STAC: variants seen among roughly 807,000 people sequenced by gnomAD.
STAC encodes the protein SH3 and cysteine-rich domain-containing protein.
In STAC, 43 loss-of-function variants were observed where a neutral mutation model predicts 48.8. The ratio of observed to expected loss-of-function variants is 0.88; its 90% CI spans 0.69 to 1.14. The LOEUF is 1.14. Among genes scored for constraint, STAC ranks in the 50% most tolerant of loss-of-function variants. The probability of loss-of-function intolerance (pLI) is 0.00; values close to 1 mark genes in which losing one functional copy is unlikely to be tolerated. For synonymous variants in STAC, 193 were observed against 179.5 expected (o/e 1.07, Z -0.60); for missense variants, 497 against 504.0 (o/e 0.99, Z 0.13).
intron 2 of STAC, among the ~76,000 whole-genome samples, chr3:36,452,973 C>T (rs1031195493): frequency 1.3e-5 from 2 of 152,228 alleles, no homozygotes; most frequent in Non-Finnish European, 2.9e-5. Flanking sequence ...CACCCAGACC[C>T]CTATCCAGGT....
At chr3:36,460,051 T>C (rs1257859240) in intron 2 of STAC, among the ~76,000 whole-genome samples, 1 of 152,052 alleles carries the variant, frequency 6.6e-6, no homozygotes, top group African/African-American at 2.4e-5. Context: ...ACCTTGATCT[T>C]TATTATCTCT....
rs1177489353 is a variant in STAC at position 36,380,714 on chromosome 3, A to T, written c.71A>T (p.Gln24Leu). The T allele has an allele frequency of 1.2e-6, 2 of 1,611,700 alleles. No homozygotes were observed. Among genetic ancestry groups the T allele is most frequent in the South Asian group, 2.2e-5 (2 of 90,752 alleles). ...GLPKEAVGAE[Q>L]PPSPASTSSQ... ...CCCAAGGAGGCGGTGGGCGCCGAGC[A>T]ACCGCCCTCTCCTGCATCCACCAGC... Residue 24 changes from glutamine to leucine, a missense_variant, in exon 1 of 11, where the codon CAA becomes CTA. By Grantham distance (113) the Gln-to-Leu change is moderately radical (BLOSUM62 -2). Transcript: ENST00000273183.
chr3:36,529,516 T>C (rs573893667), intron 10 of STAC, among the ~76,000 whole-genome samples: 54 of 152,296 alleles, frequency 3.5e-4, no homozygotes, highest in South Asian at 1.0e-3. Context: ...ACAATCTCTG[T>C]ATGTCTAATC....
intron 1 of STAC, among the ~76,000 whole-genome samples, chr3:36,414,936 C>T (rs1030476490): frequency 6.6e-6 from 1 of 152,212 alleles, no homozygotes; most frequent in African/African-American, 2.4e-5. Flanking sequence ...GAGGTCCACT[C>T]CAGACCCTGT....
At chr3:36,412,395 G>C (rs953888515) in intron 1 of STAC, among the ~76,000 whole-genome samples, 5 of 151,988 alleles carry the variant, frequency 3.3e-5, no homozygotes, top group African/African-American at 1.2e-4. Context: ...CTAGCTGTAA[G>C]GAAAGCTGGA....
intron 6 of STAC, among the ~76,000 whole-genome samples, chr3:36,497,563 T>G (rs1575241129): frequency 6.6e-6 from 1 of 151,932 alleles, no homozygotes; most frequent in African/African-American, 2.4e-5. Flanking sequence ...GTGGCCAGGG[T>G]ATTAGGTTGG....
At chr3:36,482,604 G>A (rs569205613) in intron 2 of STAC, among the ~76,000 whole-genome samples, 1 of 152,248 alleles carries the variant, frequency 6.6e-6, no homozygotes, top group South Asian at 2.1e-4. Context: ...CTCAGTTCCT[G>A]TGATAGAAAT....
chr3:36,491,299 A>G (rs2125705200), intron 5 of STAC, among the ~76,000 whole-genome samples: 1 of 152,286 alleles, frequency 6.6e-6, no homozygotes, highest in Non-Finnish European at 1.5e-5. Flanking sequence ...CTGTTTCCAA[A>G]TTGTTATGTT....
intron 2 of STAC, among the ~76,000 whole-genome samples, chr3:36,476,365 G>T (rs1697493831): frequency 6.6e-6 from 1 of 152,184 alleles, no homozygotes. Context: ...GGAGGCTTTG[G>T]AAAGTACTTA....
chr3:36,415,373 G>A lies in STAC; in HGVS notation c.112-27991G>A, dbSNP rs180982151. 4.1e-3 allele frequency among the ~76,000 whole-genome samples: 623 copies of A among 152,256 alleles called. 5 individuals carry two copies. Among genetic ancestry groups the A allele is most frequent in the African/African-American group, 0.013 (546 of 41,550 alleles). The stretch of plus-strand genomic sequence containing the variant: ...TACTCAAGCCTCAGCAATGGCAGGC[G>A]CCCCTCCCCCAGCCTCGTTGCCACC... On this transcript the variant is annotated intron_variant, in intron 1 of 10. Coordinates refer to ENST00000273183, the MANE Select transcript of STAC (RefSeq NM_003149.3).
intron 1 of STAC, among the ~76,000 whole-genome samples, chr3:36,431,087 C>G (rs1432180180): frequency 6.6e-6 from 1 of 152,146 alleles, no homozygotes; most frequent in African/African-American, 2.4e-5. Context: ...AATGTAAATC[C>G]TTTTGTTCTG....
chr3:36,460,113 A>G (rs919894935), intron 2 of STAC, among the ~76,000 whole-genome samples: 4 of 152,092 alleles, frequency 2.6e-5, no homozygotes, highest in African/African-American at 9.7e-5. Flanking sequence ...TGCAAAGGAA[A>G]GAAGAGGGAA....
At chr3:36,489,540 G>C (rs983718300) in intron 5 of STAC, among the ~76,000 whole-genome samples, 1 of 152,196 alleles carries the variant, frequency 6.6e-6, no homozygotes, top group Non-Finnish European at 1.5e-5. Context: ...TAATCCATTA[G>C]TTATATATTG....
At chr3:36,439,684 T>TA (rs1696276441) in intron 1 of STAC, among the ~76,000 whole-genome samples, 1 of 152,186 alleles carries the variant, frequency 6.6e-6, no homozygotes, top group Non-Finnish European at 1.5e-5. Context: ...CAGTCCAGTT[T>TA]ATAGCCTGAA....
intron 10 of STAC, among the ~76,000 whole-genome samples, chr3:36,541,542 A>C (rs1392558814): frequency 6.6e-6 from 1 of 152,230 alleles, no homozygotes. Flanking sequence ...ACCAATGTAG[A>C]GGACATGGAT....
At chr3:36,496,460 T>C (rs551290599) in intron 6 of STAC, among the ~76,000 whole-genome samples, 1 of 152,340 alleles carries the variant, frequency 6.6e-6, no homozygotes, top group East Asian at 1.9e-4. Context: ...TTCATTTATG[T>C]CTTAAAAAAT....
At chr3:36,474,455 G>A (rs889509230) in intron 2 of STAC, among the ~76,000 whole-genome samples, 12 of 152,176 alleles carry the variant, frequency 7.9e-5, no homozygotes. Flanking sequence ...TTCACTTTCA[G>A]TGGAAGAAAT....
At chr3:36,493,361 C>G (rs1698046458) in intron 6 of STAC, 132 bp downstream of exon 6, 1 of 758,324 alleles carries the variant, frequency 1.3e-6, no homozygotes, top group East Asian at 2.8e-5. Context: ...GTTCAATGTT[C>G]TGGAGAGAAT....
intron 5 of STAC, among the ~76,000 whole-genome samples, chr3:36,486,826 C>G (rs1697829047): frequency 6.6e-6 from 1 of 152,216 alleles, no homozygotes; most frequent in South Asian, 2.1e-4. Flanking sequence ...TCTCTGTGAC[C>G]TGTTATCATC....
Sources: allele counts gnomAD v4.1 joint callset (sites outside exome capture counted in the v4.1 genomes callset), GRCh38; gene constraint gnomAD v4.1.1; transcripts MANE v1.5; gene names NCBI Gene and HGNC (gene_info 2026-07-23, HGNC 2026-07-21).